The following MAP3K5 variants were observed in gnomAD, a reference collection of about 807,000 sequenced individuals.
The protein encoded by MAP3K5 is ASK-1.
A neutral mutation model predicts 158.7 loss-of-function variants in MAP3K5; 56 were observed. The ratio of observed to expected loss-of-function variants is 0.35; its 90% confidence interval spans 0.28 to 0.44. MAP3K5 has a LOEUF of 0.44. Among genes scored for constraint, MAP3K5 ranks in the 20% least tolerant of loss-of-function variants. The pLI, the probability that MAP3K5 is intolerant of heterozygous loss-of-function variation, is 1.00. For synonymous variants in MAP3K5, 579 were observed against 601.7 expected (o/e 0.96, Z 0.55); for missense variants, 1,294 against 1,674.8 (o/e 0.77, Z 3.97).
intron 1 of MAP3K5, among the ~76,000 whole-genome samples, chr6:136,774,504 C>T (rs750632013): frequency 5.5e-4 from 83 of 152,086 alleles, no homozygotes; most frequent in African/African-American, 1.6e-3. Flanking sequence ...ATATATAATA[C>T]GTTCATAGGC....
chr6:136,755,429 T>C lies in MAP3K5; in HGVS notation c.449-34840A>G, dbSNP rs143106144. On this transcript the variant is annotated intron_variant, in intron 1 of 29. Coordinates refer to ENST00000359015, the MANE Select transcript of MAP3K5 (RefSeq NM_005923.4). ...TAATTCAATAGCTGGAAAGCAGCCA[T>C]GGTGCAGTGGCTCATGCCTGTAGTC... 3.4e-3 allele frequency among the ~76,000 whole-genome samples: 523 copies of C among 152,302 alleles called. 1 individual carries two copies. Among genetic ancestry groups the C allele is most frequent in the African/African-American group, 0.012 (511 of 41,562 alleles).
intron 1 of MAP3K5, among the ~76,000 whole-genome samples, chr6:136,749,651 A>G (rs1783108494): frequency 1.3e-5 from 2 of 152,172 alleles, no homozygotes; most frequent in Non-Finnish European, 2.9e-5. Context: ...CTAGTTTGCA[A>G]TTACCACGAA....
chr6:136,768,326 C>T (rs1221583689), intron 1 of MAP3K5, among the ~76,000 whole-genome samples: 1 of 152,116 alleles, frequency 6.6e-6, no homozygotes, highest in Non-Finnish European at 1.5e-5. Context: ...GGGCTTGTAT[C>T]CAGAATAGAT....
chr6:136,637,290 G>A, intron 14 of MAP3K5, 35 bp downstream of exon 14: 1 of 1,505,366 alleles, frequency 6.6e-7, no homozygotes, highest in Non-Finnish European at 9.3e-7. Context: ...GTTTTAAAAT[G>A]AGCTCTAAAT....
intron 9 of MAP3K5, among the ~76,000 whole-genome samples, chr6:136,656,789 G>A (rs1245681668): frequency 2.0e-5 from 3 of 151,958 alleles, no homozygotes; most frequent in Non-Finnish European, 2.9e-5. Context: ...GCCTGGCTAC[G>A]TTTTGCAATT....
intron 10 of MAP3K5, among the ~76,000 whole-genome samples, chr6:136,651,689 A>G (rs1562580613): frequency 1.3e-5 from 2 of 152,208 alleles, no homozygotes; most frequent in Non-Finnish European, 2.9e-5. Flanking sequence ...GGCGTCTTCA[A>G]TAATGATACA....
intron 1 of MAP3K5, among the ~76,000 whole-genome samples, chr6:136,745,108 G>A (rs373288809): frequency 6.6e-6 from 1 of 150,984 alleles, no homozygotes; most frequent in East Asian, 1.9e-4. Context: ...AATACTGACA[G>A]GGCAGCAGCG....
intron 18 of MAP3K5, among the ~76,000 whole-genome samples, chr6:136,610,807 C>A (rs1375069425): frequency 1.3e-5 from 2 of 151,736 alleles, no homozygotes; most frequent in Non-Finnish European, 2.9e-5. Context: ...TTTCAGTGAG[C>A]ATCAAAAGAT....
intron 7 of MAP3K5, among the ~76,000 whole-genome samples, chr6:136,669,976 A>G (rs932960599): frequency 6.6e-6 from 1 of 152,040 alleles, no homozygotes; most frequent in African/African-American, 2.4e-5. Flanking sequence ...TAGTTTTTAC[A>G]AACTCTTAAA....
chr6:136,657,493 T>C (rs374472462), intron 9 of MAP3K5, among the ~76,000 whole-genome samples: 5 of 152,346 alleles, frequency 3.3e-5, no homozygotes, highest in South Asian at 2.1e-4. Context: ...CTCAATATCA[T>C]GCGTGCATCT....
At chr6:136,729,971 G>C (rs894157207) in intron 1 of MAP3K5, among the ~76,000 whole-genome samples, 1 of 152,134 alleles carries the variant, frequency 6.6e-6, no homozygotes, top group Admixed American at 6.5e-5. Flanking sequence ...GGACACAAGG[G>C]AGGTTTTGTG....
At chr6:136,725,652 C>G (rs1000604936) in intron 1 of MAP3K5, among the ~76,000 whole-genome samples, 4 of 152,182 alleles carry the variant, frequency 2.6e-5, no homozygotes, top group Middle Eastern at 6.8e-3. Flanking sequence ...AATGACTTGT[C>G]TTTTCATTCT....
chr6:136,768,868 G>A (rs774934273), intron 1 of MAP3K5, among the ~76,000 whole-genome samples: 10 of 151,620 alleles, frequency 6.6e-5, no homozygotes, highest in African/African-American at 1.7e-4. Context: ...AGCCAAGATC[G>A]TGCCACTGCA....
Position 136,792,291 on chromosome 6 carries a change from C to T in MAP3K5, c.-134G>A. 1.8e-6 allele frequency: 2 copies of T among 1,086,482 alleles called. No homozygotes were observed. Among genetic ancestry groups the T allele is most frequent in the East Asian group, 6.7e-5 (1 of 14,850 alleles). 67.3% of individuals were successfully genotyped at this position (1,086,482 alleles called of 1,614,324 possible). ...GCGCGCCGCGCCCTCGCCGCCGCGC[C>T]GCCGCCTCCTCTCCGGCGCCCTCTC... is the stretch of plus-strand genomic sequence containing the variant. On this transcript the variant is annotated 5_prime_UTR_variant, in exon 1 of 30. Transcript: ENST00000359015. The surrounding 1 kb of genome is among the most constrained non-coding windows in gnomAD (Gnocchi z 5.7).
chr6:136,680,402 C>G (rs1341351961), intron 7 of MAP3K5, among the ~76,000 whole-genome samples: 1 of 152,144 alleles, frequency 6.6e-6, no homozygotes, highest in Non-Finnish European at 1.5e-5. Context: ...GAAACGTGAT[C>G]CTTTGCTTAA....
rs144984687 is a variant in MAP3K5, at chr6:136,756,816, T to C, written c.448+34894A>G. Reference sequence around the variant, plus strand: ...TCACTTTTTCTAGATTATCAGAGCATTGTCAGCACTGAGGGGCTGATGGCC... The same window carrying C: ...TCACTTTTTCTAGATTATCAGAGCACTGTCAGCACTGAGGGGCTGATGGCC... On this transcript the variant is annotated intron_variant, in intron 1 of 29. Transcript: ENST00000359015. Among the ~76,000 whole-genome samples, 461 of 152,306 alleles carry C rather than the reference T, an allele frequency of 3.0e-3. 3 individuals are homozygous for C. Among genetic ancestry groups the C allele is most frequent in the African/African-American group, 0.01 (426 of 41,568 alleles).
At chr6:136,695,165 T>G (rs571602631) in intron 6 of MAP3K5, among the ~76,000 whole-genome samples, 2 of 152,262 alleles carry the variant, frequency 1.3e-5, no homozygotes, top group East Asian at 3.9e-4. Flanking sequence ...GGAGACAGAG[T>G]CTTGCTCTGT....
intron 12 of MAP3K5, 150 bp from the exon 13 acceptor site, chr6:136,639,788 T>A (rs1257178602): frequency 4.7e-5 from 27 of 579,220 alleles, no homozygotes. Context: ...AAAGTGATAC[T>A]TCCTGCACCA....
chr6:136,729,845 G>A (rs931862482), intron 1 of MAP3K5, among the ~76,000 whole-genome samples: 2 of 152,258 alleles, frequency 1.3e-5, no homozygotes, highest in African/African-American at 4.8e-5. Context: ...CAGACAACAT[G>A]TGGGGAAACT....
Sources: gnomAD v4.1 joint callset for allele counts (sites outside exome capture counted in the v4.1 genomes callset) on GRCh38, gnomAD v4.1.1 for gene constraint, Gnocchi (gnomAD v3.1) non-coding constraint, MANE v1.5 for transcripts, NCBI Gene and HGNC (gene_info 2026-07-23, HGNC 2026-07-21) for gene names.